WWP2: variants seen among roughly 807,000 people sequenced by gnomAD.
WWP2 encodes the protein NEDD4-like E3 ubiquitin-protein ligase WWP2.
In WWP2, 57 loss-of-function variants were observed where a neutral mutation model predicts 121.0. That is an observed-to-expected ratio of 0.47 (90% confidence interval 0.38 to 0.59). The LOEUF (loss-of-function observed/expected upper bound fraction) is 0.59, where lower values mean the gene tolerates loss of function less well. Ranked by LOEUF, WWP2 falls within the 20% of genes least tolerant of loss-of-function variation. The probability of loss-of-function intolerance (pLI) is 0.00; values close to 1 mark genes in which losing one functional copy is unlikely to be tolerated. For synonymous variants in WWP2, 449 were observed against 441.3 expected, an observed-to-expected ratio of 1.02 and a Z score of -0.22; for missense variants, 962 against 1,158.9, an observed-to-expected ratio of 0.83 and a Z score of 2.47.
rs1449427768 is a variant in WWP2, at chr16:69,799,194, A to G, written c.239A>G (p.His80Arg). 3 of 1,613,640 alleles carry G rather than the reference A, an allele frequency of 1.9e-6. No homozygotes were observed. In the African/African-American group the frequency reaches 4.0e-5, roughly 22 times the overall value. The change falls in exon 4 of 24, where the codon CAT becomes CGT. Residue 80 changes from histidine to arginine, a missense_variant. Physicochemically the swap from His to Arg is conservative, Grantham distance 29. Transcript: ENST00000359154. This position sits in a 1 kb window ranked among gnomAD's most constrained non-coding sequence, Gnocchi z 4.5. The part of the protein sequence containing the change: ...IIILNVTAQS[H>R]LDLKVWSCHT... ...TTCAGGAATGTCACGGCACAGAGTC[A>G]TTTAGATTTAAAGGTCTGGAGCTGC...
chr16:69,889,469 T>C (rs2057986972), intron 8 of WWP2, among the ~76,000 whole-genome samples: 1 of 152,064 alleles, frequency 6.6e-6, no homozygotes. Context: ...TGGGTTTGAA[T>C]CCCCCCACCA....
intron 1 of WWP2, among the ~76,000 whole-genome samples, chr16:69,777,613 T>A (rs1051540870): frequency 2.6e-5 from 4 of 151,952 alleles, no homozygotes; most frequent in Non-Finnish European, 1.5e-5. Context: ...TATTTTCTTT[T>A]AAAAAAATCT....
In WWP2 at chr16:69,937,294, C is replaced by A; in HGVS notation, c.2238+56C>A. On this transcript the variant is annotated intron_variant, in intron 20 of 23. Coordinates refer to ENST00000359154, the MANE Select transcript of WWP2 (RefSeq NM_001270454.2). This position sits in a 1 kb window ranked among gnomAD's most constrained non-coding sequence, Gnocchi z 6.6. ...CCCCTGCCTCTGGGGCGATCCTGCTCTGTGATACGCTCACTGTGTACCCAC... is the reference window on the plus strand; with the variant it reads ...CCCCTGCCTCTGGGGCGATCCTGCTATGTGATACGCTCACTGTGTACCCAC... 1.9e-6 allele frequency: 3 copies of A among 1,597,646 alleles called. No homozygotes were observed. The highest frequency in any genetic ancestry group is 2.3e-5 in the South Asian group (2 of 88,872).
chr16:69,762,436 AC>A (rs2038628367), intron 1 of WWP2, 45 bp downstream of exon 1: 1 of 144,468 alleles, frequency 6.9e-6, no homozygotes, highest in Non-Finnish European at 1.5e-5. Context: ...GGCTGCCTGC[AC>A]GGGGCGGGCC....
intron 9 of WWP2, among the ~76,000 whole-genome samples, chr16:69,913,933 G>A (rs7196525): frequency 0.75 from 113,782 of 151,446 alleles, 43,554 homozygotes; most frequent in East Asian, 0.96. Flanking sequence ...TTAGCCAGGC[G>A]TGGTGGTGCT....
In WWP2 at chr16:69,897,929, A is replaced by ACAAAT. The variant is rs201191026; in HGVS notation, c.914+9684_914+9685insTCAAA. Among the ~76,000 whole-genome samples, 1,283 of 151,496 alleles carry ACAAAT rather than the reference A, an allele frequency of 8.5e-3. 13 individuals carry two copies. Among genetic ancestry groups the ACAAAT allele is most frequent in the Non-Finnish European group, 0.014 (946 of 67,822 alleles). ...TCTCAAAACAACAAAACAAAACAAA[A>ACAAAT]CAAAACAAAAAAAACACAATGAAAC... On this transcript the variant is annotated intron_variant, in intron 8 of 23. Transcript: ENST00000359154.
chr16:69,900,732 C>T (rs1326112959), intron 8 of WWP2, among the ~76,000 whole-genome samples: 1 of 151,956 alleles, frequency 6.6e-6, no homozygotes, highest in African/African-American at 2.4e-5. Context: ...CCATGTTGGC[C>T]AGGGTGGTCT....
intron 1 of WWP2, among the ~76,000 whole-genome samples, chr16:69,769,898 A>G (rs973537545): frequency 2.1e-5 from 3 of 142,018 alleles, no homozygotes; most frequent in Non-Finnish European, 3.0e-5. Context: ...TTTTTGAGAT[A>G]GAATCTCGCT....
chr16:69,798,982 A>G (rs1419278496), intron 3 of WWP2, 153 bp downstream of exon 3: 2 of 1,342,862 alleles, frequency 1.5e-6, no homozygotes, highest in African/African-American at 2.9e-5. Flanking sequence ...TTCCTACACC[A>G]TTGAGCTCAT....
At chr16:69,823,050 G>T (rs1403863686) in intron 4 of WWP2, among the ~76,000 whole-genome samples, 1 of 152,162 alleles carries the variant, frequency 6.6e-6, no homozygotes, top group African/African-American at 2.4e-5. Flanking sequence ...AGAATCACTT[G>T]AACCCAGGAG....
rs528908748 is a variant in WWP2, at chr16:69,789,581, A to G, written c.70+2501A>G. On this transcript the variant is annotated intron_variant, in intron 2 of 23. Transcript: ENST00000359154. ...TCCTTCAGTGCTCCTCCTTGGAAAA[A>G]ACCAGTATTGTTTCTTGTGTGTCTC... 9.9e-5 allele frequency among the ~76,000 whole-genome samples: 15 copies of G among 152,258 alleles called. No homozygotes were observed. The South Asian group carries it at 2.9e-3, about 29-fold the overall frequency.
intron 7 of WWP2, among the ~76,000 whole-genome samples, chr16:69,874,927 C>T (rs2057709260): frequency 6.6e-6 from 1 of 151,678 alleles, no homozygotes; most frequent in African/African-American, 2.4e-5. Flanking sequence ...GAGGCTGAGC[C>T]AGGAGGATCG....
intron 6 of WWP2, among the ~76,000 whole-genome samples, chr16:69,862,476 C>A (rs1397099401): frequency 6.6e-6 from 1 of 152,066 alleles, no homozygotes; most frequent in Admixed American, 6.6e-5. Flanking sequence ...GTCTCGAACT[C>A]CTGACCTCAG....
At position 69,836,424 on chromosome 16, in the gene WWP2, CCT is replaced by C. The variant is rs1423878376; in HGVS notation, c.341-3699_341-3698del. ...GTATCATTTAATGTTTCTCTATCCC[CCT>C]CTTTCATGTGAAGCATGTGGCATCA... On this transcript the variant is annotated intron_variant, in intron 4 of 23. Transcript: ENST00000359154. 4.6e-5 allele frequency among the ~76,000 whole-genome samples: 7 copies of C among 152,166 alleles called. No individual in the cohort carries two copies. In the South Asian group the frequency reaches 1.5e-3, roughly 32 times the overall value.
At chr16:69,812,476 C>CTTTTTTT (rs1555548739) in intron 4 of WWP2, among the ~76,000 whole-genome samples, 1 of 125,860 alleles carries the variant, frequency 7.9e-6, no homozygotes, top group Non-Finnish European at 1.6e-5. Flanking sequence ...CAACCCCCCC[C>CTTTTTTT]CTTTTTTTTT....
chr16:69,860,543 G>A (rs578168484), intron 6 of WWP2, among the ~76,000 whole-genome samples: 302 of 152,352 alleles, frequency 2.0e-3, no homozygotes, highest in Non-Finnish European at 3.2e-3. Flanking sequence ...GGCCACCTGG[G>A]TGGAAAGTCC....
chr16:69,862,638 C>T (rs2057443495), intron 6 of WWP2, among the ~76,000 whole-genome samples: 1 of 150,708 alleles, frequency 6.6e-6, no homozygotes, highest in African/African-American at 2.4e-5. Context: ...ACCTCCCTTT[C>T]ATATTCTGGG....
chr16:69,793,912 T>TG (rs2055969365), intron 2 of WWP2, among the ~76,000 whole-genome samples: 3 of 45,202 alleles, frequency 6.6e-5, no homozygotes, highest in Non-Finnish European at 2.6e-4. Context: ...TTATCCTTGC[T>TG]TTTTTTTTTT....
intron 1 of WWP2, among the ~76,000 whole-genome samples, chr16:69,779,537 G>A (rs1317830495): frequency 2.0e-5 from 3 of 152,100 alleles, no homozygotes; most frequent in African/African-American, 4.8e-5. Flanking sequence ...TTAGTTTTGC[G>A]GCCCTGAAGT....
Sources: allele counts gnomAD v4.1 joint callset (sites outside exome capture counted in the v4.1 genomes callset), GRCh38; gene constraint gnomAD v4.1.1; non-coding constraint Gnocchi (gnomAD v3.1); transcripts MANE v1.5; gene names NCBI Gene and HGNC (gene_info 2026-07-23, HGNC 2026-07-21).